Variants in NRXN1 observed in about 807,000 individuals in gnomAD.
NRXN1 encodes neurexin 1.
Under a neutral mutation model 150.9 loss-of-function variants are expected in NRXN1, and 39 were observed. The ratio of observed to expected loss-of-function variants is 0.26; its 90% confidence interval spans 0.20 to 0.34. The LOEUF is 0.34. Ranked by LOEUF, NRXN1 falls within the 10% of genes least tolerant of loss-of-function variation. The pLI is 1.00. For missense variants in NRXN1, 1,815 were observed against 1,949.9 expected (o/e 0.93, Z 1.30); for synonymous variants, 924 against 757.0 (o/e 1.22, Z -3.62).
chr2:50,270,878 C>T lies in NRXN1; in HGVS notation c.3365-33908G>A, dbSNP rs377325067. On this transcript the variant is annotated intron_variant, in intron 17 of 22. Coordinates refer to ENST00000401669, the MANE Select transcript of NRXN1 (RefSeq NM_001330078.2). ...TTCACCACGTTGGCCAGGCTGGTGG[C>T]GAACTCCTAACCTCAAATGATTCAC... 3.2e-3 allele frequency among the ~76,000 whole-genome samples: 483 copies of T among 152,034 alleles called. 4 individuals carry two copies. The highest frequency in any genetic ancestry group is 0.011 in the African/African-American group (456 of 41,490).
At chr2:50,523,442 C>G (rs1319234013) in intron 12 of NRXN1, among the ~76,000 whole-genome samples, 1 of 152,124 alleles carries the variant, frequency 6.6e-6, no homozygotes, top group Admixed American at 6.6e-5. Context: ...AGCAGCGACT[C>G]TAAACTGAAT....
intron 5 of NRXN1, among the ~76,000 whole-genome samples, chr2:50,860,138 C>T (rs1167300683): frequency 1.3e-5 from 2 of 150,168 alleles, no homozygotes; most frequent in Non-Finnish European, 3.0e-5. Flanking sequence ...AAGATCATAA[C>T]TCTCAATCAA....
intron 17 of NRXN1, among the ~76,000 whole-genome samples, chr2:50,417,648 G>T (rs1473402713): frequency 6.6e-6 from 1 of 151,832 alleles, no homozygotes. Context: ...CTAAATAAGT[G>T]TGAAAACCCT....
chr2:50,268,059 G>A (rs1321849103), intron 17 of NRXN1, among the ~76,000 whole-genome samples: 3 of 151,972 alleles, frequency 2.0e-5, no homozygotes, highest in Admixed American at 6.6e-5. Context: ...GTGTGGTAAC[G>A]TGCACTTGTA....
chr2:50,599,194 C>T (rs1188307776), intron 8 of NRXN1, among the ~76,000 whole-genome samples: 1 of 152,126 alleles, frequency 6.6e-6, no homozygotes, highest in Non-Finnish European at 1.5e-5. Flanking sequence ...GAGAAAATGA[C>T]TTATTTGCCC....
rs797003391 is a variant in NRXN1 at position 50,393,336 on chromosome 2, C to T, written c.3364+72106G>A. 2.6e-5 allele frequency among the ~76,000 whole-genome samples: 4 copies of T among 152,094 alleles called. 1 individual carries two copies. The highest frequency in any genetic ancestry group is 9.6e-5 in the African/African-American group (4 of 41,500). On this transcript the variant is annotated intron_variant, in intron 17 of 22. Transcript: ENST00000401669. ...TAGACAAAGTGCATTTCTCACGGTA[C>T]CTGGTTTCTTTGGTCATTTAATTTA...
At chr2:49,964,037 G>T (rs1676470303) in intron 21 of NRXN1, among the ~76,000 whole-genome samples, 1 of 152,116 alleles carries the variant, frequency 6.6e-6, no homozygotes, top group Non-Finnish European at 1.5e-5. Flanking sequence ...GTCCCACAGA[G>T]GCACAATGCT....
chr2:49,925,657 CTAAAA>C (rs556949265), intron 22 of NRXN1, among the ~76,000 whole-genome samples: 79 of 152,174 alleles, frequency 5.2e-4, no homozygotes, highest in African/African-American at 1.8e-3. Flanking sequence ...ATATAATAAA[CTAAAA>C]TAAGACATTT....
rs78407814 is a variant in NRXN1 at position 50,442,439 on chromosome 2, T to A, written c.3364+23003A>T. ...ACACCTATACACCTATTGCTGAAGT[T>A]TCAAGTTATTCAGATTATCCAACCA... On this transcript the variant is annotated intron_variant, in intron 17 of 22. Coordinates refer to ENST00000401669, the MANE Select transcript of NRXN1 (RefSeq NM_001330078.2). 5.0e-3 allele frequency among the ~76,000 whole-genome samples: 761 copies of A among 152,250 alleles called. 7 individuals are homozygous for A. Among genetic ancestry groups the A allele is most frequent in the Non-Finnish European group, 9.2e-3 (624 of 67,996 alleles).
intron 5 of NRXN1, among the ~76,000 whole-genome samples, chr2:50,750,627 T>C (rs572401205): frequency 1.6e-4 from 25 of 152,114 alleles, no homozygotes; most frequent in Admixed American, 1.5e-3. Context: ...ATTCCTTCTG[T>C]GCTTGGCTCA....
At chr2:50,774,567 GTATACTT>G in intron 5 of NRXN1, among the ~76,000 whole-genome samples, 1 of 151,966 alleles carries the variant, frequency 6.6e-6, no homozygotes, top group Non-Finnish European at 1.5e-5. Context: ...TAAATGTATG[GTATACTT>G]TATACAAATA....
chr2:50,308,492 T>G (rs930466780), intron 17 of NRXN1, among the ~76,000 whole-genome samples: 28 of 151,866 alleles, frequency 1.8e-4, no homozygotes, highest in African/African-American at 6.8e-4. Flanking sequence ...AACTTCCACG[T>G]AAGTTTTTAT....
At chr2:50,368,538 A>G (rs1049180411) in intron 17 of NRXN1, among the ~76,000 whole-genome samples, 1 of 151,982 alleles carries the variant, frequency 6.6e-6, no homozygotes, top group African/African-American at 2.4e-5. Flanking sequence ...TGAACTTTGC[A>G]TAAGACACAC....
intron 22 of NRXN1, among the ~76,000 whole-genome samples, chr2:49,939,863 T>C (rs572872139): frequency 6.6e-6 from 1 of 152,290 alleles, no homozygotes; most frequent in African/African-American, 2.4e-5. Flanking sequence ...AGGTATATAG[T>C]GACACTCAAT....
At chr2:50,124,279 A>C (rs1360702053) in intron 18 of NRXN1, among the ~76,000 whole-genome samples, 1 of 152,144 alleles carries the variant, frequency 6.6e-6, no homozygotes, top group African/African-American at 2.4e-5. Context: ...TATTGAATAC[A>C]TTATTTACCT....
intron 13 of NRXN1, among the ~76,000 whole-genome samples, chr2:50,501,791 G>A (rs1212763237): frequency 6.6e-6 from 1 of 152,082 alleles, no homozygotes; most frequent in African/African-American, 2.4e-5. Context: ...TTCTCTGCTG[G>A]CAAATACTAT....
In NRXN1 at chr2:50,411,826, T is replaced by C. The variant is rs1051767777; in HGVS notation, c.3364+53616A>G. On this transcript the variant is annotated intron_variant, in intron 17 of 22. Transcript: ENST00000401669. ...CCGTCCCGGAGGTGTACCCAACAGC[T>C]CATTGAGAACGGGCCATGATGACGA... Among the ~76,000 whole-genome samples the C allele has an allele frequency of 4.6e-5, 7 of 152,162 alleles. 1 individual carries two copies. Among genetic ancestry groups the C allele is most frequent in the Non-Finnish European group, 1.0e-4 (7 of 68,036 alleles).
At chr2:50,016,569 T>G (rs1033364353) in intron 21 of NRXN1, 1 of 152,104 alleles carries the variant, frequency 6.6e-6, no homozygotes, top group Non-Finnish European at 1.5e-5. Context: ...ACATCCTTCT[T>G]AACATGGCCG....
intron 5 of NRXN1, among the ~76,000 whole-genome samples, chr2:50,782,427 C>T (rs1162182017): frequency 2.0e-5 from 3 of 152,094 alleles, no homozygotes; most frequent in East Asian, 3.9e-4. Flanking sequence ...CGAGATCATG[C>T]CACTGCACTC....
Sources: gnomAD v4.1 joint callset for allele counts (sites outside exome capture counted in the v4.1 genomes callset) on GRCh38, gnomAD v4.1.1 for gene constraint, MANE v1.5 for transcripts, NCBI Gene and HGNC (gene_info 2026-07-23, HGNC 2026-07-21) for gene names.